ZC3H8: variants seen among roughly 807,000 people sequenced by gnomAD.
ZC3H8 encodes the protein zinc finger CCCH domain-containing protein 8.
Under a neutral mutation model 42.5 loss-of-function variants are expected in ZC3H8, and 27 were observed. The observed-to-expected ratio is 0.64, with a 90% CI of 0.47 to 0.88. The LOEUF (loss-of-function observed/expected upper bound fraction) is 0.88. ZC3H8 is among the 40% of genes least tolerant of loss of function. ZC3H8 has a pLI of 0.00. For missense variants in ZC3H8, 277 were observed against 336.1 expected, an observed-to-expected ratio of 0.82 and a Z score of 1.37; for synonymous variants, 101 against 110.1, an observed-to-expected ratio of 0.92 and a Z score of 0.52.
Position 112,229,790 on chromosome 2 carries a change from C to T in ZC3H8, c.*15+1113G>A, listed in dbSNP as rs568626718. Among the ~76,000 whole-genome samples, 27 of 151,902 alleles carry T rather than the reference C, an allele frequency of 1.8e-4. No individual in the cohort carries two copies. In the South Asian group the frequency reaches 4.4e-3, roughly 25 times the overall value. On this transcript the variant is annotated intron_variant, in intron 8 of 8. Transcript: ENST00000409573. ...AATTCCCAATGGATTAAAATATAAA[C>T]GTATACAGCAAAGCTCCAAAACTTA...
In ZC3H8 at chr2:112,230,957, T is replaced by TAAAA; in HGVS notation, c.844-11_844-8dup. ...TCTTTTCAGTATCCAAAACCTAATA[T>TAAAA]AAAAAAAAAATCACATAATCATTTT... On this transcript the variant is annotated splice_polypyrimidine_tract_variant and splice_region_variant and intron_variant, in intron 7 of 8. Coordinates refer to ENST00000409573, the MANE Select transcript of ZC3H8 (RefSeq NM_032494.3). The TAAAA allele has an allele frequency of 8.5e-7, 1 of 1,173,126 alleles. No individual in the cohort carries two copies. The highest frequency in any genetic ancestry group is 1.1e-6 in the Non-Finnish European group (1 of 891,752). 72.7% of individuals were successfully genotyped at this position (1,173,126 alleles called of 1,614,324 possible).
At chr2:112,250,817 G>C (rs939013796) in intron 1 of ZC3H8, among the ~76,000 whole-genome samples, 1 of 152,222 alleles carries the variant, frequency 6.6e-6, no homozygotes, top group African/African-American at 2.4e-5. Flanking sequence ...TGAGAGAGAA[G>C]GGTATTTTAG....
intron 2 of ZC3H8, among the ~76,000 whole-genome samples, chr2:112,248,336 GA>G (rs1252083937): frequency 2.3e-4 from 31 of 136,762 alleles, no homozygotes; most frequent in Non-Finnish European, 3.0e-4. Context: ...AAGAAAGAAA[GA>G]AAAGAAAGAA....
At chr2:112,242,813 T>C (rs1475893891) in intron 2 of ZC3H8, among the ~76,000 whole-genome samples, 1 of 152,202 alleles carries the variant, frequency 6.6e-6, no homozygotes, top group Non-Finnish European at 1.5e-5. Context: ...TTTTTAAAAT[T>C]AGACAATTTA....
At chr2:112,245,992 A>C (rs1220676984) in intron 2 of ZC3H8, among the ~76,000 whole-genome samples, 6 of 152,232 alleles carry the variant, frequency 3.9e-5, no homozygotes, top group Non-Finnish European at 8.8e-5. Flanking sequence ...TGGTGACTTT[A>C]AGTTGAAACC....
rs925614097 is a variant in ZC3H8, at chr2:112,216,423, T to G, written c.*61A>C. 2.0e-5 allele frequency: 3 copies of G among 152,244 alleles called. No homozygotes were observed. The highest frequency in any genetic ancestry group is 4.4e-5 in the Non-Finnish European group (3 of 68,046). The allele number at this position is 152,244 out of a possible 1,614,324, so 9.4% of individuals were successfully genotyped here. On this transcript the variant is annotated 3_prime_UTR_variant, in exon 9 of 9. Transcript: ENST00000409573. ...CCAAATCACCAGTCTTGAACAGTCT[T>G]GAACACGCATGGGCGTTAAAGTACT...
At chr2:112,216,566 C>A (rs888700212) in intron 8 of ZC3H8, 98 bp from the exon 9 acceptor site, 1 of 151,204 alleles carries the variant, frequency 6.6e-6, no homozygotes, top group African/African-American at 2.4e-5. Flanking sequence ...ACAACAACAA[C>A]AAAAAACATA....
intron 2 of ZC3H8, among the ~76,000 whole-genome samples, chr2:112,249,321 G>T (rs1002496547): frequency 4.6e-5 from 7 of 152,206 alleles, no homozygotes; most frequent in African/African-American, 1.7e-4. Flanking sequence ...TCCATCAGGA[G>T]CTAGGGGAGA....
intron 1 of ZC3H8, among the ~76,000 whole-genome samples, chr2:112,252,817 A>T (rs1685995506): frequency 1.3e-5 from 2 of 152,158 alleles, no homozygotes; most frequent in African/African-American, 4.8e-5. Flanking sequence ...CAATGTTATC[A>T]GTGAGGCTTT....
At chr2:112,238,977 T>C (rs1214764118) in intron 2 of ZC3H8, among the ~76,000 whole-genome samples, 1 of 152,262 alleles carries the variant, frequency 6.6e-6, no homozygotes, top group African/African-American at 2.4e-5. Context: ...TAATGGTCCA[T>C]ATGAAAACCC....
At position 112,250,230 on chromosome 2, in the gene ZC3H8, T is replaced by G; in HGVS notation, c.117A>C (p.Glu39Asp). 1.3e-6 allele frequency: 2 copies of G among 1,566,502 alleles called. No homozygotes were observed. Among genetic ancestry groups the G allele is most frequent in the Non-Finnish European group, 1.7e-6 (2 of 1,154,276 alleles). ...GCTCGCACTCCAGTTTAATTTTCTC[T>G]TCTTGTGTTTCTTCAACTTCTGTAT... ...EIDTEVEETQ[E>D]EKIKLECEQI... is the part of the protein sequence containing the mutation. The change falls in exon 2 of 9, where the codon GAA (glutamate) becomes GAC (aspartate). Residue 39 changes from glutamate to aspartate, a missense_variant. Physicochemically the swap from Glu to Asp is conservative, Grantham distance 45. Coordinates refer to ENST00000409573, the MANE Select transcript of ZC3H8 (RefSeq NM_032494.3).
rs200840803 is a variant in ZC3H8, at chr2:112,254,876, T to C, written c.74+32A>G. 1.2e-4 allele frequency: 186 copies of C among 1,609,008 alleles called. No individual in the cohort carries two copies. In the East Asian group the frequency reaches 3.6e-3, roughly 31 times the overall value. ...AAGAGGCGGAGTCCCGCTGAGCCCC[T>C]GCATTCAAAAGATGAAAAGATATGG... On this transcript the variant is annotated intron_variant, in intron 1 of 8. Coordinates refer to ENST00000409573, the MANE Select transcript of ZC3H8 (RefSeq NM_032494.3).
chr2:112,221,013 G>C (rs527603198), intron 8 of ZC3H8, among the ~76,000 whole-genome samples: 245 of 152,252 alleles, frequency 1.6e-3, no homozygotes, highest in African/African-American at 5.5e-3. Flanking sequence ...TAACAAGGTT[G>C]GGGAAATTTT....
chr2:112,224,980 G>A (rs1489109015), intron 8 of ZC3H8, among the ~76,000 whole-genome samples: 2 of 152,146 alleles, frequency 1.3e-5, no homozygotes, highest in African/African-American at 4.8e-5. Context: ...TCTCGGTTTT[G>A]TAATTTTCAG....
At chr2:112,238,170 G>A in intron 3 of ZC3H8, 145 bp downstream of exon 3, 1 of 849,102 alleles carries the variant, frequency 1.2e-6, no homozygotes, top group South Asian at 1.8e-5. Flanking sequence ...CTCTGGCCAT[G>A]CAAGCTCATG....
chr2:112,224,360 C>A (rs1041036711), intron 8 of ZC3H8, among the ~76,000 whole-genome samples: 1 of 152,056 alleles, frequency 6.6e-6, no homozygotes, highest in Non-Finnish European at 1.5e-5. Flanking sequence ...AACAAAGAAA[C>A]AAAAAGTCCA....
chr2:112,254,679 C>T (rs1686064707), intron 1 of ZC3H8, among the ~76,000 whole-genome samples: 1 of 152,238 alleles, frequency 6.6e-6, no homozygotes, highest in Non-Finnish European at 1.5e-5. Flanking sequence ...TCTCGACAGC[C>T]CCGGCCCTGA....
intron 1 of ZC3H8, among the ~76,000 whole-genome samples, chr2:112,253,197 C>G (rs1299607308): frequency 6.6e-6 from 1 of 152,008 alleles, no homozygotes; most frequent in Admixed American, 6.6e-5. Context: ...GCTTATTTTC[C>G]CCTTACCCTT....
chr2:112,222,303 C>A (rs566302148), intron 8 of ZC3H8, among the ~76,000 whole-genome samples: 6 of 152,178 alleles, frequency 3.9e-5, no homozygotes, highest in African/African-American at 1.2e-4. Flanking sequence ...CGGGGTTGCA[C>A]CTGCCTGCAG....
Sources: gnomAD v4.1 joint callset for allele counts (sites outside exome capture counted in the v4.1 genomes callset) on GRCh38, gnomAD v4.1.1 for gene constraint, MANE v1.5 for transcripts, NCBI Gene and HGNC (gene_info 2026-07-23, HGNC 2026-07-21) for gene names.